Variants in ALG6 observed in about 807,000 individuals in gnomAD.
ALG6 encodes ALG6 alpha-1,3-glucosyltransferase, also known as dolichyl pyrophosphate Man9GlcNAc2 alpha-1,3-glucosyltransferase.
ALG6 carries 46 observed loss-of-function variants against 66.6 expected under a neutral mutation model. The observed-to-expected ratio is 0.69, with a 90% CI of 0.55 to 0.88. The LOEUF (loss-of-function observed/expected upper bound fraction) is 0.88. Ranked by LOEUF, ALG6 falls within the 40% of genes least tolerant of loss-of-function variation. The probability of loss-of-function intolerance (pLI) is 0.00; values close to 1 mark genes in which losing one functional copy is unlikely to be tolerated. For synonymous variants in ALG6, 185 were observed against 203.7 expected, an observed-to-expected ratio of 0.91 and a Z score of 0.78; for missense variants, 505 against 586.8, an observed-to-expected ratio of 0.86 and a Z score of 1.44.
At chr1:63,413,728 G>A (rs944694969) in intron 9 of ALG6, 23 of 215,380 alleles carry the variant, frequency 1.1e-4, no homozygotes, top group Non-Finnish European at 1.9e-4. Context: ...TCTATAAATT[G>A]TAGAAAAAAC....
intron 2 of ALG6, among the ~76,000 whole-genome samples, chr1:63,392,413 T>TG (rs1176363481): frequency 6.6e-6 from 1 of 152,064 alleles, no homozygotes; most frequent in Non-Finnish European, 1.5e-5. Flanking sequence ...TCAGGTGATC[T>TG]GCCCACCTTG....
At chr1:63,375,355 C>T (rs1301783520) in intron 2 of ALG6, among the ~76,000 whole-genome samples, 1 of 151,616 alleles carries the variant, frequency 6.6e-6, no homozygotes, top group Non-Finnish European at 1.5e-5. Context: ...AGCAATTCTC[C>T]TGCCTCAGCT....
intron 12 of ALG6, chr1:63,428,482 G>A: frequency 6.2e-6 from 2 of 322,082 alleles, no homozygotes; most frequent in Non-Finnish European, 1.1e-5. Flanking sequence ...GAGAAAAAAA[G>A]TTCCATTAAC....
chr1:63,425,938 CA>C (rs1644612981), intron 12 of ALG6, among the ~76,000 whole-genome samples: 1 of 151,898 alleles, frequency 6.6e-6, no homozygotes, highest in South Asian at 2.1e-4. Context: ...TTGGAATATC[CA>C]AAAGGCAGGA....
intron 12 of ALG6, among the ~76,000 whole-genome samples, chr1:63,422,092 T>A (rs1336474614): frequency 1.7e-5 from 2 of 118,842 alleles, no homozygotes; most frequent in Non-Finnish European, 3.3e-5. Context: ...AATAAATATA[T>A]AAATATATAA....
intron 4 of ALG6, 22 bp from the exon 5 acceptor site, chr1:63,404,431 G>C: frequency 5.1e-6 from 8 of 1,563,584 alleles, no homozygotes; most frequent in Non-Finnish European, 7.1e-6. Flanking sequence ...TGAAGTATCT[G>C]TATATATGCT....
chr1:63,396,632 A>G, intron 3 of ALG6, 35 bp downstream of exon 3: 1 of 1,540,822 alleles, frequency 6.5e-7, no homozygotes, highest in Non-Finnish European at 9.0e-7. Flanking sequence ...CTTGTTTATC[A>G]TAGTTAATAC....
chr1:63,377,000 C>T (rs1648154328), intron 2 of ALG6, among the ~76,000 whole-genome samples: 1 of 151,936 alleles, frequency 6.6e-6, no homozygotes, highest in Non-Finnish European at 1.5e-5. Flanking sequence ...TGGAATCTCA[C>T]TCTGTTGCCC....
chr1:63,417,129 C>A (rs1447750151), intron 11 of ALG6, among the ~76,000 whole-genome samples: 6 of 152,272 alleles, frequency 3.9e-5, no homozygotes, highest in Non-Finnish European at 8.8e-5. Context: ...ACCAAGTCAT[C>A]TGTTGTTAAT....
At chr1:63,415,829 C>G (rs1256004312) in intron 10 of ALG6, 44 bp from the exon 11 acceptor site, 2 of 1,287,744 alleles carry the variant, frequency 1.6e-6, no homozygotes, top group South Asian at 1.2e-5. Flanking sequence ...TAGATTTATA[C>G]CTCTACAAAG....
chr1:63,407,959 AC>A (rs1389271957), intron 7 of ALG6, among the ~76,000 whole-genome samples: 6 of 152,124 alleles, frequency 3.9e-5, no homozygotes, highest in South Asian at 2.1e-4. Context: ...GCTATCAGAT[AC>A]TCTGATAATA....
chr1:63,405,368 A>G (rs1644485177), intron 5 of ALG6, among the ~76,000 whole-genome samples: 1 of 152,148 alleles, frequency 6.6e-6, no homozygotes, highest in African/African-American at 2.4e-5. Flanking sequence ...CTGTTTTCAG[A>G]GAGCTCCAGT....
intron 1 of ALG6, among the ~76,000 whole-genome samples, 175 bp from the exon 2 acceptor site, chr1:63,370,594 GAT>G (rs968224145): frequency 6.6e-6 from 1 of 152,074 alleles, no homozygotes; most frequent in African/African-American, 2.4e-5. Flanking sequence ...TCCACCTTTT[GAT>G]GTATATTCCC....
At chr1:63,394,117 A>C (rs1351586424) in intron 2 of ALG6, among the ~76,000 whole-genome samples, 6 of 152,248 alleles carry the variant, frequency 3.9e-5, no homozygotes, top group Admixed American at 2.6e-4. Flanking sequence ...CAAACACTTC[A>C]TGTAATGTTG....
chr1:63,395,880 C>T (rs1019453895), intron 2 of ALG6, among the ~76,000 whole-genome samples: 4 of 152,070 alleles, frequency 2.6e-5, no homozygotes, highest in African/African-American at 4.8e-5. Flanking sequence ...TGAAAATATT[C>T]GGGAAATAAA....
chr1:63,414,880 G>C (rs183997080), intron 10 of ALG6, among the ~76,000 whole-genome samples: 5 of 152,290 alleles, frequency 3.3e-5, no homozygotes, highest in East Asian at 3.9e-4. Context: ...GAATATCTAG[G>C]GGGGAAGGAA....
In ALG6 at chr1:63,433,716, T is replaced by A. The variant is rs1644660743; in HGVS notation, c.1327-3107T>A. ...TTTAATAGTTTTTGAGCACTTACTA[T>A]ATGCAAGCATTGTTCTGGAGGCTGA... is the stretch of plus-strand genomic sequence containing the variant. On this transcript the variant is annotated intron_variant, in intron 14 of 14. Coordinates refer to ENST00000263440, the MANE Select transcript of ALG6 (RefSeq NM_013339.4). The surrounding 1 kb of genome is among the most constrained non-coding windows in gnomAD (Gnocchi z 4.2). Among the ~76,000 whole-genome samples the A allele has an allele frequency of 6.6e-6, 1 of 152,210 alleles. No individual in the cohort carries two copies. Among genetic ancestry groups the A allele is most frequent in the Non-Finnish European group, 1.5e-5 (1 of 68,042 alleles).
Position 63,400,245 on chromosome 1 carries a change from GTA to G in ALG6, c.168-2001_168-2000del, listed in dbSNP as rs1164769108. Among the ~76,000 whole-genome samples the G allele has an allele frequency of 8.8e-4, 3 of 3,412 alleles. 1 individual carries two copies. The highest frequency in any genetic ancestry group is 4.0e-3 in the African/African-American group (2 of 494). The allele number at this position is 3,412 out of a possible 152,430, so 2.2% of individuals were successfully genotyped here. A position where few individuals can be genotyped will look rare whatever the true frequency, so the allele number is the denominator to read the frequency against. On this transcript the variant is annotated intron_variant, in intron 3 of 14. Coordinates refer to ENST00000263440, the MANE Select transcript of ALG6 (RefSeq NM_013339.4). ...TACGTATATATATATATATATATACGTATATATATGTATATATATATACGTAT... is the reference window on the plus strand; with the variant it reads ...TACGTATATATATATATATATATACGTATATATGTATATATATATACGTAT...
chr1:63,437,339 T>G lies in ALG6; in HGVS notation c.*319T>G, dbSNP rs1486983949. 13 of 285,394 alleles carry G rather than the reference T, an allele frequency of 4.6e-5. No individual in the cohort carries two copies. In the East Asian group the frequency reaches 1.1e-3, roughly 23 times the overall value. 17.7% of individuals were successfully genotyped at this position (285,394 alleles called of 1,614,324 possible). On this transcript the variant is annotated 3_prime_UTR_variant, in exon 15 of 15. Coordinates refer to ENST00000263440, the MANE Select transcript of ALG6 (RefSeq NM_013339.4). ...AGGAAATGCACTTTTTAAATGTCTT[T>G]AAAAAACTGAGAAATATTTCTTGAT...
Sources: gnomAD v4.1 joint callset for allele counts (sites outside exome capture counted in the v4.1 genomes callset) on GRCh38, gnomAD v4.1.1 for gene constraint, Gnocchi (gnomAD v3.1) non-coding constraint, MANE v1.5 for transcripts, NCBI Gene and HGNC (gene_info 2026-07-23, HGNC 2026-07-21) for gene names.